Variants in DPP10 observed in about 807,000 individuals in gnomAD.
The protein encoded by DPP10 is inactive dipeptidyl peptidase 10.
In DPP10, 33 loss-of-function variants were observed where a neutral mutation model predicts 120.9. That is an observed-to-expected ratio of 0.27 (90% CI 0.21 to 0.37). The LOEUF is 0.37. Ranked by LOEUF, DPP10 falls within the 10% of genes least tolerant of loss-of-function variation. DPP10 has a pLI of 1.00. For synonymous variants in DPP10, 337 were observed against 326.1 expected (o/e 1.03, Z -0.36); for missense variants, 816 against 942.8 (o/e 0.87, Z 1.76).
chr2:114,682,852 C>T (rs1699120802), intron 1 of DPP10, among the ~76,000 whole-genome samples: 1 of 151,372 alleles, frequency 6.6e-6, no homozygotes, highest in African/African-American at 2.4e-5. Context: ...TTAATATCTC[C>T]AATTACTTGC....
intron 1 of DPP10, among the ~76,000 whole-genome samples, chr2:115,166,203 G>A (rs953695591): frequency 1.3e-5 from 2 of 151,892 alleles, no homozygotes; most frequent in African/African-American, 4.8e-5. Flanking sequence ...ATTCTTCCAT[G>A]TGCCCTTTGC....
At chr2:115,617,665 C>T (rs1185509598) in intron 5 of DPP10, among the ~76,000 whole-genome samples, 1 of 151,962 alleles carries the variant, frequency 6.6e-6, no homozygotes, top group Non-Finnish European at 1.5e-5. Context: ...ATAGGCTATA[C>T]TACATAGCCT....
chr2:114,871,799 A>G (rs1690710240), intron 1 of DPP10, among the ~76,000 whole-genome samples: 1 of 152,144 alleles, frequency 6.6e-6, no homozygotes, highest in Non-Finnish European at 1.5e-5. Context: ...TGAGTGGTGA[A>G]CAAGCGAGCA....
chr2:115,318,172 C>CA (rs1433473022), intron 2 of DPP10, among the ~76,000 whole-genome samples: 2 of 152,036 alleles, frequency 1.3e-5, no homozygotes, highest in Non-Finnish European at 2.9e-5. Context: ...ATAACCATTT[C>CA]ACCCAGCACC....
At chr2:114,931,241 G>A (rs777699141) in intron 1 of DPP10, among the ~76,000 whole-genome samples, 28 of 152,118 alleles carry the variant, frequency 1.8e-4, no homozygotes, top group Non-Finnish European at 3.2e-4. Flanking sequence ...ACCTGAAGCT[G>A]GGAAATTTAT....
chr2:114,893,598 A>C (rs754021580), intron 1 of DPP10, among the ~76,000 whole-genome samples: 6 of 152,164 alleles, frequency 3.9e-5, no homozygotes, highest in Non-Finnish European at 8.8e-5. Context: ...AGATTAACAG[A>C]TATGACAAGG....
chr2:114,754,399 T>C (rs770530203), intron 1 of DPP10, among the ~76,000 whole-genome samples: 5 of 152,192 alleles, frequency 3.3e-5, no homozygotes, highest in South Asian at 2.1e-4. Context: ...GCATAACTAG[T>C]AGCAATTTCT....
At chr2:115,769,514 T>G (rs1436465173) in intron 13 of DPP10, among the ~76,000 whole-genome samples, 6 of 152,058 alleles carry the variant, frequency 3.9e-5, no homozygotes, top group Non-Finnish European at 1.5e-5. Context: ...TAATTACGAC[T>G]GAAAGAAATA....
At chr2:114,454,633 T>A (rs1678465170) in intron 1 of DPP10, among the ~76,000 whole-genome samples, 1 of 152,216 alleles carries the variant, frequency 6.6e-6, no homozygotes, top group Non-Finnish European at 1.5e-5. Flanking sequence ...TGTTCCTTAT[T>A]ATCTGGCTGG....
chr2:114,813,460 T>C (rs1685357275), intron 1 of DPP10, among the ~76,000 whole-genome samples: 1 of 152,206 alleles, frequency 6.6e-6, no homozygotes, highest in East Asian at 1.9e-4. Context: ...ATAGTGTCTC[T>C]ACATACTTTG....
chr2:115,620,281 CTGTTA>C (rs1575356602), intron 5 of DPP10, among the ~76,000 whole-genome samples: 1 of 152,184 alleles, frequency 6.6e-6, no homozygotes, highest in South Asian at 2.1e-4. Flanking sequence ...AAAGAATGAT[CTGTTA>C]TGAGAGTACA....
chr2:115,229,864 C>CT (rs749155120), intron 1 of DPP10, among the ~76,000 whole-genome samples: 5,142 of 139,022 alleles, frequency 0.037, 123 homozygotes, highest in African/African-American at 0.06. Flanking sequence ...TCTTTTCTTT[C>CT]TTTTTTTTTT....
chr2:115,435,050 A>T (rs1484956430), intron 3 of DPP10, among the ~76,000 whole-genome samples: 1 of 39,434 alleles, frequency 2.5e-5, no homozygotes, highest in African/African-American at 7.2e-5. Context: ...ACACATGCAC[A>T]CATATATATA....
chr2:115,691,146 A>G (rs2091292248), intron 7 of DPP10, among the ~76,000 whole-genome samples: 1 of 151,702 alleles, frequency 6.6e-6, no homozygotes, highest in African/African-American at 2.4e-5. Context: ...AACCCCTTAT[A>G]TGTTCTGGAT....
At chr2:114,740,075 C>T (rs996282333) in intron 1 of DPP10, among the ~76,000 whole-genome samples, 2 of 151,426 alleles carry the variant, frequency 1.3e-5, no homozygotes, top group East Asian at 2.0e-4. Context: ...TATTGCAGCA[C>T]TATTCACAAT....
intron 5 of DPP10, among the ~76,000 whole-genome samples, chr2:115,684,461 T>G (rs1020446752): frequency 6.6e-6 from 1 of 151,948 alleles, no homozygotes; most frequent in Non-Finnish European, 1.5e-5. Flanking sequence ...GCCTGTATTG[T>G]CTTTCCTCTT....
intron 3 of DPP10, among the ~76,000 whole-genome samples, chr2:115,376,657 C>T (rs1218645325): frequency 2.7e-5 from 4 of 150,112 alleles, no homozygotes; most frequent in African/African-American, 7.4e-5. Flanking sequence ...CCCACTAACT[C>T]GTCATCTAGC....
chr2:114,908,855 T>C (rs183945647), intron 1 of DPP10, among the ~76,000 whole-genome samples: 1 of 151,926 alleles, frequency 6.6e-6, no homozygotes, highest in Admixed American at 6.6e-5. Flanking sequence ...ATCCTGATAA[T>C]ATTATTATTT....
At chr2:115,048,611 T>G (rs924035592) in intron 1 of DPP10, among the ~76,000 whole-genome samples, 1 of 152,120 alleles carries the variant, frequency 6.6e-6, no homozygotes, top group African/African-American at 2.4e-5. Context: ...TCTGTCCACT[T>G]TGCCACCTCA....
Sources: allele counts gnomAD v4.1 joint callset (sites outside exome capture counted in the v4.1 genomes callset), GRCh38; gene constraint gnomAD v4.1.1; transcripts MANE v1.5; gene names NCBI Gene and HGNC (gene_info 2026-07-23, HGNC 2026-07-21).